The following LYRM4 variants were observed in gnomAD, a reference collection of about 807,000 sequenced individuals.
The protein encoded by LYRM4 is LYR motif-containing protein 4.
LYRM4 carries 9 observed loss-of-function variants against 11.7 expected under a neutral mutation model. The ratio of observed to expected loss-of-function variants is 0.77; its 90% CI spans 0.46 to 1.34. The LOEUF is 1.34. LYRM4 is among the 40% of genes most tolerant of loss of function. The pLI is 0.00. For missense variants in LYRM4, 133 were observed against 112.5 expected (o/e 1.18, Z -0.82); for synonymous variants, 42 against 40.4 (o/e 1.04, Z -0.15).
At chr6:5,193,899 A>G (rs979477659) in intron 2 of LYRM4, among the ~76,000 whole-genome samples, 2 of 152,136 alleles carry the variant, frequency 1.3e-5, no homozygotes, top group African/African-American at 4.8e-5. Context: ...AATTTCCCAA[A>G]TTTTAATAAA....
downstream of LYRM4, among the ~76,000 whole-genome samples, chr6:5,099,133 G>T (rs185262423): frequency 6.6e-6 from 1 of 152,224 alleles, no homozygotes; most frequent in East Asian, 1.9e-4. The surrounding 1 kb of genome is among the most constrained non-coding windows in gnomAD (Gnocchi z 4.3). Flanking sequence ...TACAATCTGG[G>T]CAGTGCATCT....
At chr6:5,065,470 G>A in the LYRM4 span, among the ~76,000 whole-genome samples, 231 of 152,234 alleles carry the variant, frequency 1.5e-3, 1 homozygote, top group African/African-American at 5.2e-3. Flanking sequence ...GCTTAATAAT[G>A]TACAGACTCT....
chr6:5,165,835 G>A (rs1430115778), intron 2 of LYRM4, among the ~76,000 whole-genome samples: 3 of 151,948 alleles, frequency 2.0e-5, no homozygotes, highest in African/African-American at 7.3e-5. Flanking sequence ...GAGCCACCGC[G>A]CCCGGCCACA....
At chr6:5,068,024 T>C in the LYRM4 span, among the ~76,000 whole-genome samples, 2 of 152,348 alleles carry the variant, frequency 1.3e-5, no homozygotes, top group Middle Eastern at 3.4e-3. This position sits in a 1 kb window ranked among gnomAD's most constrained non-coding sequence, Gnocchi z 4.0. Flanking sequence ...CTAAATGTGC[T>C]ATGGAAAGCA....
intron 1 of LYRM4, among the ~76,000 whole-genome samples, chr6:5,244,656 G>C (rs1764059717): frequency 6.6e-6 from 1 of 152,108 alleles, no homozygotes; most frequent in Non-Finnish European, 1.5e-5. Context: ...GGGATAGAGG[G>C]TTGGGACCTG....
chr6:5,068,311 G>A, the LYRM4 span, among the ~76,000 whole-genome samples: 1 of 152,232 alleles, frequency 6.6e-6, no homozygotes, highest in Non-Finnish European at 1.5e-5. The surrounding 1 kb of genome is among the most constrained non-coding windows in gnomAD (Gnocchi z 4.0). Flanking sequence ...TCCTGCAGCA[G>A]CCAGCCAGAC....
At chr6:5,204,185 C>T (rs955629898) in intron 2 of LYRM4, among the ~76,000 whole-genome samples, 4 of 152,152 alleles carry the variant, frequency 2.6e-5, no homozygotes, top group Non-Finnish European at 4.4e-5. Flanking sequence ...CATGCCTTCC[C>T]GTGGGGCACC....
intron 2 of LYRM4, among the ~76,000 whole-genome samples, chr6:5,196,152 G>C (rs111357610): frequency 2.0e-5 from 3 of 152,234 alleles, no homozygotes; most frequent in African/African-American, 7.2e-5. Context: ...CTCCGACCCC[G>C]CAGCACTGCC....
Position 5,241,616 on chromosome 6 carries a change from T to A in LYRM4, c.86+19032A>T, listed in dbSNP as rs149241341. ...AGTGATCAAAAGTATTGGAAGTTTCTGCTGTAACATAAATCTTAGTAGAAC... is the reference window on the plus strand; with the variant it reads ...AGTGATCAAAAGTATTGGAAGTTTCAGCTGTAACATAAATCTTAGTAGAAC... On this transcript the variant is annotated intron_variant, in intron 1 of 2. Coordinates refer to ENST00000330636, the MANE Select transcript of LYRM4 (RefSeq NM_020408.6). 2.6e-3 allele frequency among the ~76,000 whole-genome samples: 402 copies of A among 152,362 alleles called. 2 individuals are homozygous for A. Among genetic ancestry groups the A allele is most frequent in the Middle Eastern group, 0.017 (5 of 294 alleles).
chr6:5,100,237 T>G (rs567694730), downstream of LYRM4, among the ~76,000 whole-genome samples: 12 of 151,736 alleles, frequency 7.9e-5, no homozygotes, highest in African/African-American at 2.9e-4. Context: ...AGGAGGGGAG[T>G]TGGCTCATGG....
chr6:5,076,426 C>A, the LYRM4 span, among the ~76,000 whole-genome samples: 1 of 152,144 alleles, frequency 6.6e-6, no homozygotes, highest in Admixed American at 6.5e-5. Flanking sequence ...CATTGATAGC[C>A]TTGGGCACAT....
the LYRM4 span, chr6:5,066,795 C>T: frequency 1.1e-5 from 8 of 736,074 alleles, no homozygotes; most frequent in Admixed American, 1.5e-4. Flanking sequence ...GTTTAACACC[C>T]TCCTTGGTGA....
chr6:5,147,903 A>G (rs931962104), intron 2 of LYRM4, among the ~76,000 whole-genome samples: 1 of 152,210 alleles, frequency 6.6e-6, no homozygotes, highest in Non-Finnish European at 1.5e-5. Flanking sequence ...AGCCACGCTG[A>G]TGAGAGATTA....
the LYRM4 span, among the ~76,000 whole-genome samples, chr6:5,055,485 A>G: frequency 2.0e-5 from 3 of 152,232 alleles, no homozygotes; most frequent in Non-Finnish European, 2.9e-5. The surrounding 1 kb of genome is among the most constrained non-coding windows in gnomAD (Gnocchi z 4.5). Flanking sequence ...CACTGTGCCT[A>G]GTAATATCTC....
At chr6:5,117,146 T>C (rs890435486) in intron 2 of LYRM4, among the ~76,000 whole-genome samples, 4 of 152,156 alleles carry the variant, frequency 2.6e-5, no homozygotes, top group Non-Finnish European at 5.9e-5. Context: ...GGCCCAAACA[T>C]ATGAAATGTC....
the LYRM4 span, chr6:5,086,515 G>A: frequency 6.5e-7 from 1 of 1,534,876 alleles, no homozygotes. Context: ...CAACAACGCG[G>A]GCGCCAACTA....
intron 2 of LYRM4, among the ~76,000 whole-genome samples, chr6:5,194,284 C>T (rs1186827549): frequency 6.6e-6 from 1 of 152,142 alleles, no homozygotes; most frequent in African/African-American, 2.4e-5. Context: ...TTGAAGGATA[C>T]ATATTTGAAG....
chr6:5,218,456 C>T (rs763785809), intron 1 of LYRM4: 86 of 849,032 alleles, frequency 1.0e-4, no homozygotes, highest in Non-Finnish European at 1.1e-4. Flanking sequence ...AGTAAAAAGG[C>T]ATTTTACATT....
chr6:5,081,686 T>G, the LYRM4 span, among the ~76,000 whole-genome samples: 8 of 152,260 alleles, frequency 5.3e-5, no homozygotes, highest in African/African-American at 1.9e-4. Context: ...CTCTTGGAAT[T>G]TTCTGATAGA....
Sources: gnomAD v4.1 joint callset for allele counts (sites outside exome capture counted in the v4.1 genomes callset) on GRCh38, gnomAD v4.1.1 for gene constraint, Gnocchi (gnomAD v3.1) non-coding constraint, MANE v1.5 for transcripts, NCBI Gene and HGNC (gene_info 2026-07-23, HGNC 2026-07-21) for gene names.